The following FAR2 variants were observed in gnomAD, a reference collection of about 807,000 sequenced individuals.
The protein encoded by FAR2 is epididymis secretory protein Li 81.
A neutral mutation model predicts 56.0 loss-of-function variants in FAR2; 19 were observed. The observed-to-expected ratio is 0.34, with a 90% CI of 0.24 to 0.50. FAR2 has a LOEUF of 0.50. Ranked by LOEUF, FAR2 falls within the 20% of genes least tolerant of loss-of-function variation. FAR2 has a pLI of 0.98. For synonymous variants in FAR2, 219 were observed against 218.8 expected (o/e 1.00, Z -0.01); for missense variants, 508 against 642.2 (o/e 0.79, Z 2.26).
intron 1 of FAR2, among the ~76,000 whole-genome samples, chr12:29,200,995 G>T (rs4105128): frequency 0.74 from 112,161 of 152,022 alleles, 43,455 homozygotes; most frequent in East Asian, 0.91. Context: ...TTATTCATCC[G>T]TCACCAGGTC....
At chr12:29,225,670 G>A (rs1947755549) in intron 1 of FAR2, among the ~76,000 whole-genome samples, 1 of 152,128 alleles carries the variant, frequency 6.6e-6, no homozygotes, top group Non-Finnish European at 1.5e-5. Flanking sequence ...AGACAATGGG[G>A]CAAATGCTTA....
chr12:29,297,323 C>T (rs986564343), intron 4 of FAR2, 123 bp downstream of exon 4: 8 of 889,312 alleles, frequency 9.0e-6, no homozygotes, highest in African/African-American at 1.7e-5. Context: ...TGTTTTGAAA[C>T]GGTGCTAGCC....
intron 2 of FAR2, among the ~76,000 whole-genome samples, chr12:29,274,937 C>T (rs1239311068): frequency 2.0e-5 from 3 of 149,546 alleles, no homozygotes; most frequent in Non-Finnish European, 4.5e-5. Flanking sequence ...TGGTGGTCTC[C>T]TCAAATGGAC....
intron 1 of FAR2, among the ~76,000 whole-genome samples, chr12:29,164,321 G>A (rs1044421246): frequency 1.3e-5 from 2 of 152,156 alleles, no homozygotes; most frequent in African/African-American, 2.4e-5. Flanking sequence ...TTGCCGACGC[G>A]GCTGCTGCCA....
intron 10 of FAR2, among the ~76,000 whole-genome samples, chr12:29,327,087 C>G (rs896198648): frequency 3.9e-5 from 6 of 152,138 alleles, no homozygotes; most frequent in Non-Finnish European, 8.8e-5. Context: ...GCAAAAATCA[C>G]AAGTATACCT....
chr12:29,211,325 GGTGTTCTTACATAACCCA>G (rs1947544922), intron 1 of FAR2, among the ~76,000 whole-genome samples: 2 of 151,986 alleles, frequency 1.3e-5, no homozygotes. Context: ...ATATCTTGTG[GGTGTTCTTACATAACCCA>G]GTCAAAAAGA....
At chr12:29,258,341 C>A (rs139548984) in intron 1 of FAR2, among the ~76,000 whole-genome samples, 1 of 152,002 alleles carries the variant, frequency 6.6e-6, no homozygotes, top group African/African-American at 2.4e-5. Flanking sequence ...GGTGACAGAG[C>A]GAGACTCCAT....
intron 1 of FAR2, among the ~76,000 whole-genome samples, chr12:29,202,647 T>C (rs1258249609): frequency 6.6e-6 from 1 of 152,206 alleles, no homozygotes; most frequent in African/African-American, 2.4e-5. Context: ...GATGCCATCC[T>C]TGCAGTAATG....
At position 29,222,208 on chromosome 12, in the gene FAR2, C is replaced by T. The variant is rs145050839; in HGVS notation, c.-38-48204C>T. Among the ~76,000 whole-genome samples the T allele has an allele frequency of 1.9e-3, 287 of 152,268 alleles. 2 individuals are homozygous for T. The highest frequency in any genetic ancestry group is 6.1e-3 in the African/African-American group (252 of 41,556). ...TCATCACTCACTGTTATAAGAAAAT[C>T]GGTCTCTGAGCATTACATACTCTTC... On this transcript the variant is annotated intron_variant, in intron 1 of 11. Transcript: ENST00000536681.
chr12:29,323,000 C>T (rs1319425756), intron 10 of FAR2, among the ~76,000 whole-genome samples: 2 of 152,364 alleles, frequency 1.3e-5, no homozygotes, highest in East Asian at 3.9e-4. Context: ...GTTGGAAATG[C>T]AGAAATCACC....
chr12:29,209,829 T>C (rs1947523191), intron 1 of FAR2, among the ~76,000 whole-genome samples: 1 of 152,194 alleles, frequency 6.6e-6, no homozygotes, highest in African/African-American at 2.4e-5. Flanking sequence ...CTCATTTACA[T>C]ACACTAATTT....
chr12:29,308,566 A>G (rs772837662), intron 5 of FAR2, among the ~76,000 whole-genome samples: 20 of 93,066 alleles, frequency 2.1e-4, no homozygotes, highest in Non-Finnish European at 3.7e-4. Context: ...AAAGAGACAT[A>G]ATAAGGTCAG....
chr12:29,307,631 T>C (rs903250514), intron 4 of FAR2, 27 bp from the exon 5 acceptor site: 2 of 1,575,164 alleles, frequency 1.3e-6, no homozygotes, highest in African/African-American at 1.4e-5. Flanking sequence ...CATATGTTAC[T>C]AGAATTCTCT....
rs529300028 is a variant in FAR2 at position 29,276,570 on chromosome 12, G to A, written c.189+5932G>A. ...AATATGTGCTTGATTTTATTGCTGC[G>A]TATCCCAAAACTGAAAAGTTTTTGC... On this transcript the variant is annotated intron_variant, in intron 2 of 11. Coordinates refer to ENST00000536681, the MANE Select transcript of FAR2 (RefSeq NM_001271783.2). 3.3e-5 allele frequency among the ~76,000 whole-genome samples: 5 copies of A among 152,214 alleles called. No homozygotes were observed. The East Asian group carries it at 5.8e-4, about 18-fold the overall frequency.
chr12:29,151,573 G>A (rs1949681762), intron 1 of FAR2: 1 of 152,198 alleles, frequency 6.6e-6, no homozygotes, highest in Non-Finnish European at 1.5e-5. Flanking sequence ...TTTCAAAGAG[G>A]CTCTGGATCT....
At chr12:29,205,428 A>T (rs965122653) in intron 1 of FAR2, among the ~76,000 whole-genome samples, 21 of 152,202 alleles carry the variant, frequency 1.4e-4, no homozygotes, top group Non-Finnish European at 1.5e-4. Flanking sequence ...CTGAAGCACA[A>T]AATTTCCACA....
In FAR2 at chr12:29,171,869, G is replaced by A. The variant is rs545575237; in HGVS notation, c.-39+22462G>A. ...CGCCACCCCATCTGGGAAGTGAGGA[G>A]CGTCTCTGCCCTGCCGCCCAACTGA... is the stretch of plus-strand genomic sequence containing the variant. On this transcript the variant is annotated intron_variant, in intron 1 of 11. Transcript: ENST00000536681. 667 of 152,696 alleles carry A rather than the reference G, an allele frequency of 4.4e-3. 1 individual carries two copies. Among genetic ancestry groups the A allele is most frequent in the Non-Finnish European group, 6.1e-3 (421 of 69,324 alleles). The allele number at this position is 152,696 out of a possible 1,614,324, so 9.5% of individuals were successfully genotyped here. A position where few individuals can be genotyped will look rare whatever the true frequency, so the allele number is the denominator to read the frequency against.
intron 1 of FAR2, among the ~76,000 whole-genome samples, chr12:29,225,071 G>C (rs1375519787): frequency 6.6e-6 from 1 of 152,012 alleles, no homozygotes; most frequent in East Asian, 1.9e-4. Context: ...TGCCATCTCT[G>C]CAAAAAGTAA....
At chr12:29,299,411 T>A (rs1949124448) in intron 4 of FAR2, among the ~76,000 whole-genome samples, 1 of 152,102 alleles carries the variant, frequency 6.6e-6, no homozygotes. Context: ...TTCAGCACTT[T>A]CCATCCTCCC....
Sources: allele counts gnomAD v4.1 joint callset (sites outside exome capture counted in the v4.1 genomes callset), GRCh38; gene constraint gnomAD v4.1.1; transcripts MANE v1.5; gene names NCBI Gene and HGNC (gene_info 2026-07-23, HGNC 2026-07-21).